NT5C2: variants seen among roughly 807,000 people sequenced by gnomAD.
NT5C2 encodes the protein cytosolic purine 5'-nucleotidase.
A neutral mutation model predicts 76.1 loss-of-function variants in NT5C2; 58 were observed. The observed-to-expected ratio is 0.76, with a 90% CI of 0.62 to 0.95. NT5C2 has a LOEUF of 0.95. NT5C2 is among the 40% of genes least tolerant of loss of function. NT5C2 has a pLI of 0.00. For missense variants in NT5C2, 478 were observed against 690.3 expected, an observed-to-expected ratio of 0.69 and a Z score of 3.45; for synonymous variants, 229 against 237.4, an observed-to-expected ratio of 0.96 and a Z score of 0.32.
chr10:103,108,973 C>A (rs1253756222), intron 4 of NT5C2, among the ~76,000 whole-genome samples: 1 of 152,042 alleles, frequency 6.6e-6, no homozygotes, highest in African/African-American at 2.4e-5. Context: ...ATTCTCATGA[C>A]TCAGCCTCCC....
chr10:103,092,867 T>C (rs2067263127), intron 15 of NT5C2, among the ~76,000 whole-genome samples: 1 of 151,508 alleles, frequency 6.6e-6, no homozygotes, highest in Non-Finnish European at 1.5e-5. Context: ...CACAACTTAG[T>C]GTTACTGTAA....
At chr10:103,165,609 T>A (rs2086190114) in intron 3 of NT5C2, among the ~76,000 whole-genome samples, 1 of 128,336 alleles carries the variant, frequency 7.8e-6, no homozygotes, top group Non-Finnish European at 1.6e-5. Context: ...AACAGGGTCT[T>A]ACTCTGTTGC....
At chr10:103,131,416 T>C (rs1204531919) in intron 4 of NT5C2, among the ~76,000 whole-genome samples, 1 of 152,162 alleles carries the variant, frequency 6.6e-6, no homozygotes, top group Non-Finnish European at 1.5e-5. Context: ...TGTCAGGAAG[T>C]GATGCTTCTG....
chr10:103,141,250 A>G (rs1386414464), intron 3 of NT5C2, among the ~76,000 whole-genome samples: 6 of 152,208 alleles, frequency 3.9e-5, no homozygotes, highest in African/African-American at 9.7e-5. Flanking sequence ...TTAGCTCAAG[A>G]GTTCTAGACC....
chr10:103,167,606 T>A (rs1024824403), intron 3 of NT5C2, among the ~76,000 whole-genome samples: 9 of 147,982 alleles, frequency 6.1e-5, no homozygotes, highest in South Asian at 4.3e-4. Flanking sequence ...GTATGAGGTT[T>A]AAAAAAAAAA....
At chr10:103,121,042 T>C (rs539077238) in intron 4 of NT5C2, among the ~76,000 whole-genome samples, 18 of 152,328 alleles carry the variant, frequency 1.2e-4, no homozygotes, top group African/African-American at 4.3e-4. Context: ...ACAAGTATTG[T>C]ATAATTTCAC....
At chr10:103,157,902 G>A (rs972177846) in intron 3 of NT5C2, among the ~76,000 whole-genome samples, 2 of 151,922 alleles carry the variant, frequency 1.3e-5, no homozygotes, top group African/African-American at 2.4e-5. Context: ...GGGAAACCCC[G>A]TCTCTACTAA....
rs141331131 is a variant in NT5C2, at chr10:103,112,348, G to A, written c.176-5642C>T. Reference sequence around the variant, plus strand: ...AGATTCTAGTCATCATTATCAAGATGACTAGAATCAACTGCACACTGCTAA... The same window carrying A: ...AGATTCTAGTCATCATTATCAAGATAACTAGAATCAACTGCACACTGCTAA... On this transcript the variant is annotated intron_variant, in intron 4 of 18. Coordinates refer to ENST00000404739, the MANE Select transcript of NT5C2 (RefSeq NM_001351169.2). Among the ~76,000 whole-genome samples the A allele has an allele frequency of 3.6e-3, 549 of 152,098 alleles. 4 individuals are homozygous for A. Among genetic ancestry groups the A allele is most frequent in the African/African-American group, 0.013 (536 of 41,482 alleles).
intron 12 of NT5C2, among the ~76,000 whole-genome samples, chr10:103,095,209 G>A (rs1366602288): frequency 6.6e-6 from 1 of 152,128 alleles, no homozygotes; most frequent in East Asian, 1.9e-4. Flanking sequence ...ATGGCTCTAG[G>A]TACACACTGG....
intron 4 of NT5C2, among the ~76,000 whole-genome samples, chr10:103,121,072 C>T (rs1449498315): frequency 1.3e-5 from 2 of 152,096 alleles, no homozygotes; most frequent in African/African-American, 4.8e-5. Context: ...ATACCTATAA[C>T]AGACAAATTC....
chr10:103,159,615 C>A (rs2084308715), intron 3 of NT5C2, among the ~76,000 whole-genome samples: 1 of 148,750 alleles, frequency 6.7e-6, no homozygotes. Flanking sequence ...TGTCACTGTA[C>A]TACACCTTGG....
intron 4 of NT5C2, among the ~76,000 whole-genome samples, chr10:103,107,502 C>A (rs191913021): frequency 5.9e-5 from 9 of 151,704 alleles, no homozygotes; most frequent in African/African-American, 2.2e-4. Context: ...TGGTGAAACC[C>A]CCGTCTCTAT....
intron 4 of NT5C2, among the ~76,000 whole-genome samples, chr10:103,117,519 C>T (rs1215132835): frequency 2.0e-5 from 3 of 152,200 alleles, no homozygotes; most frequent in Non-Finnish European, 4.4e-5. Context: ...TGGTGGCATA[C>T]ACCTATAGTC....
intron 2 of NT5C2, 60 bp from the exon 3 acceptor site, chr10:103,175,042 AT>A (rs1221137833): frequency 3.1e-6 from 3 of 963,862 alleles, no homozygotes; most frequent in East Asian, 2.4e-5. Flanking sequence ...CTGACATCTG[AT>A]TTTTTTAAAA....
chr10:103,164,772 A>G (rs1022771599), intron 3 of NT5C2, among the ~76,000 whole-genome samples: 1 of 152,240 alleles, frequency 6.6e-6, no homozygotes, highest in Non-Finnish European at 1.5e-5. Flanking sequence ...AAATGTAAAT[A>G]TAAATGATAC....
chr10:103,099,338 G>A (rs1165553012), intron 9 of NT5C2, among the ~76,000 whole-genome samples: 1 of 152,168 alleles, frequency 6.6e-6, no homozygotes, highest in African/African-American at 2.4e-5. Flanking sequence ...GCATCACAAA[G>A]TGCTGGGATT....
At chr10:103,191,903 T>C (rs1048055445) in intron 1 of NT5C2, among the ~76,000 whole-genome samples, 5 of 151,940 alleles carry the variant, frequency 3.3e-5, no homozygotes, top group Admixed American at 3.3e-4. Flanking sequence ...GCATGTGGAG[T>C]TTTTATTTTA....
chr10:103,186,975 G>A (rs1277435097), intron 1 of NT5C2, among the ~76,000 whole-genome samples: 1 of 152,118 alleles, frequency 6.6e-6, no homozygotes, highest in Non-Finnish European at 1.5e-5. Context: ...GTTAGGCCAG[G>A]GGCGGTGGTT....
At chr10:103,178,954 C>CTTTTTTTTTT (rs758982511) in intron 2 of NT5C2, among the ~76,000 whole-genome samples, 24 of 128,478 alleles carry the variant, frequency 1.9e-4, no homozygotes, top group African/African-American at 4.9e-4. Context: ...TTCTTTTTTT[C>CTTTTTTTTTT]TTTTTTTTTT....
Sources: gnomAD v4.1 joint callset for allele counts (sites outside exome capture counted in the v4.1 genomes callset) on GRCh38, gnomAD v4.1.1 for gene constraint, MANE v1.5 for transcripts, NCBI Gene and HGNC (gene_info 2026-07-23, HGNC 2026-07-21) for gene names.